RNF111: variants seen among roughly 807,000 people sequenced by gnomAD.
RNF111 encodes the protein ring finger protein 111, also known as E3 ubiquitin-protein ligase Arkadia.
A neutral mutation model predicts 95.1 loss-of-function variants in RNF111; 17 were observed. The observed-to-expected ratio is 0.18, with a 90% CI of 0.12 to 0.27. RNF111 has a LOEUF of 0.27. Among genes scored for constraint, RNF111 ranks in the 10% least tolerant of loss-of-function variants. The pLI, the probability that RNF111 is intolerant of heterozygous loss-of-function variation, is 1.00. For synonymous variants in RNF111, 440 were observed against 414.8 expected, an observed-to-expected ratio of 1.06 and a Z score of -0.74; for missense variants, 1,189 against 1,210.4, an observed-to-expected ratio of 0.98 and a Z score of 0.26.
At chr15:59,070,029 CTTT>C (rs1189748185) in intron 6 of RNF111, among the ~76,000 whole-genome samples, 419 of 22,606 alleles carry the variant, frequency 0.019, 9 homozygotes, top group African/African-American at 0.024. Flanking sequence ...CCACCTCCTG[CTTT>C]TTTTTTTTTT....
intron 6 of RNF111, among the ~76,000 whole-genome samples, chr15:59,072,553 A>G (rs1407821892): frequency 1.4e-5 from 2 of 142,524 alleles, no homozygotes; most frequent in Non-Finnish European, 3.0e-5. Flanking sequence ...TCCCAGGTTC[A>G]TGCCATTCTG....
intron 2 of RNF111, among the ~76,000 whole-genome samples, chr15:59,040,156 C>T (rs984678678): frequency 6.6e-6 from 1 of 151,794 alleles, no homozygotes; most frequent in Non-Finnish European, 1.5e-5. Context: ...ACTCTGTTGC[C>T]TAGGCTGGAG....
At chr15:59,021,564 C>A (rs2040345118) in intron 1 of RNF111, among the ~76,000 whole-genome samples, 1 of 152,142 alleles carries the variant, frequency 6.6e-6, no homozygotes. Context: ...ATAATAACAG[C>A]CACTATGCCA....
At chr15:59,065,745 G>A (rs1359250024) in intron 5 of RNF111, among the ~76,000 whole-genome samples, 3 of 152,140 alleles carry the variant, frequency 2.0e-5, no homozygotes, top group African/African-American at 7.2e-5. Context: ...GGTGGCTCAC[G>A]CCTGTAATCC....
At chr15:58,994,652 A>G (rs2038970279) in intron 1 of RNF111, among the ~76,000 whole-genome samples, 1 of 151,036 alleles carries the variant, frequency 6.6e-6, no homozygotes. Flanking sequence ...TAATTTTTGT[A>G]TTTTAGTTAG....
At chr15:59,005,864 G>C (rs1264808865) in intron 1 of RNF111, among the ~76,000 whole-genome samples, 1 of 152,138 alleles carries the variant, frequency 6.6e-6, no homozygotes, top group Non-Finnish European at 1.5e-5. Context: ...ACCCTTTGTG[G>C]TAAATATTTT....
At position 59,031,425 on chromosome 15, in the gene RNF111, T is replaced by C; in HGVS notation, c.603T>C (p.Cys201=). Residue 201 remains cysteine (C), a synonymous_variant, in exon 2 of 14, where the codon TGT becomes TGC. Transcript: ENST00000348370. The part of the protein sequence containing the change: ...SVSGLLMKRP[C]LHGSSLRRLP... ...CGGGATTGTTAATGAAAAGACCCTG[T>C]TTACATGGCAGTTCGTTACGGAGAC... 2 of 1,614,202 alleles carry C rather than the reference T, an allele frequency of 1.2e-6. No individual in the cohort carries two copies. The highest frequency in any genetic ancestry group is 1.7e-6 in the Non-Finnish European group (2 of 1,180,036).
chr15:59,058,958 A>G (rs1224900431), intron 5 of RNF111, among the ~76,000 whole-genome samples: 1 of 152,174 alleles, frequency 6.6e-6, no homozygotes, highest in Non-Finnish European at 1.5e-5. Context: ...GCACTTTAGA[A>G]TCCAGAATCT....
intron 6 of RNF111, among the ~76,000 whole-genome samples, chr15:59,075,663 T>C (rs2043134596): frequency 6.6e-6 from 1 of 152,200 alleles, no homozygotes. Flanking sequence ...ACAAAAAGAT[T>C]TTAATATATT....
intron 5 of RNF111, 42 bp downstream of exon 5, chr15:59,058,592 T>G: frequency 6.5e-7 from 1 of 1,537,602 alleles, no homozygotes; most frequent in African/African-American, 1.4e-5. Flanking sequence ...TTGTCATTAC[T>G]TTCGTTAGGA....
chr15:59,078,866 GA>G (rs58594305), intron 7 of RNF111, among the ~76,000 whole-genome samples: 40,089 of 103,808 alleles, frequency 0.39, 6,138 homozygotes, highest in East Asian at 0.5. Flanking sequence ...CTCAAAAGAA[GA>G]AAAAAAAAAA....
chr15:59,079,003 T>C (rs1398522066), intron 7 of RNF111, among the ~76,000 whole-genome samples: 1 of 152,208 alleles, frequency 6.6e-6, no homozygotes, highest in Non-Finnish European at 1.5e-5. Context: ...GCAAGTGATA[T>C]GTTGAACGTC....
In RNF111 at chr15:59,055,834, T is replaced by C; in HGVS notation, c.1160T>C (p.Val387Ala). 6.2e-7 allele frequency: 1 copy of C among 1,607,652 alleles called. No individual in the cohort carries two copies. Among genetic ancestry groups the C allele is most frequent in the Non-Finnish European group, 8.5e-7 (1 of 1,176,426 alleles). The change falls in exon 4 of 14, where the codon GTT becomes GCT. Residue 387 changes from valine (V) to alanine (A), a missense_variant. Around this residue, in one of 2 missense-constraint regions of RNF111, gnomAD observed 1,024 missense variants for 925.9 expected, o/e 1.11. Transcript: ENST00000348370. ...GCAGCAGAAGTTGTGGACCTTACCG[T>C]TGATGAAGATGGTAAATTGAAGTAG... The part of the protein sequence containing the change: ...QNAAEVVDLT[V>A]DEDEPTVVPT...
rs144972496 is a variant in RNF111 at position 59,026,324 on chromosome 15, G to A, written c.-19-4480G>A. ...TTTTTAGCTATCGTATTTTCTTAGTGCAAGGTTTACTAATAGTGGTGTATT... is the reference window on the plus strand; with the variant it reads ...TTTTTAGCTATCGTATTTTCTTAGTACAAGGTTTACTAATAGTGGTGTATT... On this transcript the variant is annotated intron_variant, in intron 1 of 13. Coordinates refer to ENST00000348370, the MANE Select transcript of RNF111 (RefSeq NM_017610.8). 4.1e-3 allele frequency among the ~76,000 whole-genome samples: 628 copies of A among 151,968 alleles called. 7 individuals are homozygous for A. Among genetic ancestry groups the A allele is most frequent in the Non-Finnish European group, 6.6e-3 (446 of 67,996 alleles).
intron 1 of RNF111, among the ~76,000 whole-genome samples, chr15:59,024,777 A>G (rs1299695876): frequency 6.6e-6 from 1 of 152,162 alleles, no homozygotes; most frequent in African/African-American, 2.4e-5. Context: ...CTATTTCCAC[A>G]ACTTTTTATC....
intron 10 of RNF111, among the ~76,000 whole-genome samples, chr15:59,086,451 T>G (rs1307041472): frequency 3.3e-5 from 5 of 152,238 alleles, no homozygotes; most frequent in Non-Finnish European, 7.3e-5. Flanking sequence ...ATTATACTAA[T>G]TCTCTACATC....
At chr15:59,041,655 C>T (rs2041456791) in intron 2 of RNF111, among the ~76,000 whole-genome samples, 1 of 152,036 alleles carries the variant, frequency 6.6e-6, no homozygotes, top group South Asian at 2.1e-4. Flanking sequence ...TTCTAGAAGG[C>T]AGTTGTTGAA....
At chr15:59,074,316 T>C (rs1247486805) in intron 6 of RNF111, among the ~76,000 whole-genome samples, 1 of 152,250 alleles carries the variant, frequency 6.6e-6, no homozygotes, top group African/African-American at 2.4e-5. Flanking sequence ...TTCTCTTTGC[T>C]ATGAAAGTCC....
chr15:59,090,039 C>A (rs148030046), intron 11 of RNF111, among the ~76,000 whole-genome samples: 5 of 151,960 alleles, frequency 3.3e-5, no homozygotes, highest in African/African-American at 1.2e-4. Context: ...TATAACTATA[C>A]CATTAAATGT....
Sources: allele counts gnomAD v4.1 joint callset (sites outside exome capture counted in the v4.1 genomes callset), GRCh38; gene constraint gnomAD v4.1.1; regional missense constraint gnomAD v4.1.1; transcripts MANE v1.5; gene names NCBI Gene and HGNC (gene_info 2026-07-23, HGNC 2026-07-21).